The following PHTF2 variants were observed in gnomAD, a reference collection of about 807,000 sequenced individuals.
PHTF2 encodes putative homeodomain transcription factor 2.
A neutral mutation model predicts 101.2 loss-of-function variants in PHTF2; 60 were observed. The observed-to-expected ratio is 0.59, with a 90% CI of 0.48 to 0.73. PHTF2 has a LOEUF of 0.73. Ranked by LOEUF, PHTF2 falls within the 30% of genes least tolerant of loss-of-function variation. The probability of loss-of-function intolerance (pLI) is 0.00; values close to 1 mark genes in which losing one functional copy is unlikely to be tolerated. For synonymous variants in PHTF2, 311 were observed against 307.3 expected (o/e 1.01, Z -0.13); for missense variants, 747 against 908.7 (o/e 0.82, Z 2.29).
At chr7:77,949,237 C>CT (rs150806171) in intron 16 of PHTF2, among the ~76,000 whole-genome samples, 43 of 150,518 alleles carry the variant, frequency 2.9e-4, no homozygotes, top group East Asian at 1.7e-3. Context: ...AAACTTTTTC[C>CT]TTTTTTTTTC....
intron 2 of PHTF2, among the ~76,000 whole-genome samples, chr7:77,851,050 G>A (rs1402804713): frequency 6.6e-6 from 1 of 152,110 alleles, no homozygotes; most frequent in Non-Finnish European, 1.5e-5. Flanking sequence ...CTTTATCAGG[G>A]ATACTGGCCC....
intron 3 of PHTF2, among the ~76,000 whole-genome samples, chr7:77,886,125 TA>T (rs1799825459): frequency 6.6e-6 from 1 of 152,188 alleles, no homozygotes; most frequent in Admixed American, 6.5e-5. Flanking sequence ...TCAGTCTAAT[TA>T]AACTATTGAT....
chr7:77,908,669 AT>A (rs1802085925), intron 7 of PHTF2, 123 bp from the exon 7 acceptor site: 2 of 598,442 alleles, frequency 3.3e-6, no homozygotes, highest in Admixed American at 3.3e-5. Flanking sequence ...CTATAGTAAT[AT>A]TTTAAACTCA....
At chr7:77,946,394 C>T (rs916791127) in intron 16 of PHTF2, among the ~76,000 whole-genome samples, 1 of 151,952 alleles carries the variant, frequency 6.6e-6, no homozygotes, top group African/African-American at 2.4e-5. Context: ...TCTGCTTTAC[C>T]ACTTCTAGTC....
At chr7:77,911,196 C>T (rs1466947497) in intron 9 of PHTF2, among the ~76,000 whole-genome samples, 1 of 140,270 alleles carries the variant, frequency 7.1e-6, no homozygotes, top group Non-Finnish European at 1.6e-5. Context: ...TGGCTTTTTG[C>T]ATACAACTAT....
In PHTF2 at chr7:77,948,679, T is replaced by C. The variant is rs80047542; in HGVS notation, c.1960-999T>C. Among the ~76,000 whole-genome samples, 722 of 152,154 alleles carry C rather than the reference T, an allele frequency of 4.7e-3. 21 individuals are homozygous for C. Among genetic ancestry groups the C allele is most frequent in the Admixed American group, 0.037 (569 of 15,274 alleles). On this transcript the variant is annotated intron_variant, in intron 16 of 19. Coordinates refer to ENST00000416283, the Ensembl canonical transcript of PHTF2. The stretch of plus-strand genomic sequence containing the variant: ...GGAAATTCAATTACCAATAAGCATA[T>C]GAAACATACTGATCCTCCCTAAATA...
intron 16 of PHTF2, among the ~76,000 whole-genome samples, chr7:77,948,543 A>G (rs1806278778): frequency 6.6e-6 from 1 of 152,230 alleles, no homozygotes; most frequent in Admixed American, 6.5e-5. Flanking sequence ...AAAATGACTT[A>G]AATAGGATTG....
intron 2 of PHTF2, among the ~76,000 whole-genome samples, chr7:77,844,195 T>C (rs1172874735): frequency 6.6e-6 from 1 of 152,104 alleles, no homozygotes; most frequent in African/African-American, 2.4e-5. Flanking sequence ...GATTTCACCA[T>C]GTTTCCCAGG....
Position 77,905,840 on chromosome 7 carries a change from T to C in PHTF2, c.446-2953T>C, listed in dbSNP as rs560527922. 5.5e-4 allele frequency among the ~76,000 whole-genome samples: 83 copies of C among 152,264 alleles called. 1 individual carries two copies. Among genetic ancestry groups the C allele is most frequent in the African/African-American group, 1.8e-3 (76 of 41,556 alleles). ...TTGCCCAGTACGTGAAGTCCTGCCT[T>C]TGAAATATTTGTGCCCAACAACATT... On this transcript the variant is annotated intron_variant, in intron 7 of 19. Coordinates refer to ENST00000416283, the Ensembl canonical transcript of PHTF2.
intron 1 of PHTF2, among the ~76,000 whole-genome samples, chr7:77,810,274 T>G (rs754724471): frequency 2.6e-5 from 4 of 152,202 alleles, no homozygotes; most frequent in Non-Finnish European, 4.4e-5. Context: ...AATATAAGAT[T>G]ATTCTTCTTC....
Position 77,940,519 on chromosome 7 carries a change from C to T in PHTF2, c.1741-9C>T. On this transcript the variant is annotated splice_polypyrimidine_tract_variant and intron_variant, in intron 14 of 19. Transcript: ENST00000416283. ...CTTGAAAATTAATCCTCATCTTAAT[C>T]TTTTTTAGCGATTACTTTTTGCAAA... 1 of 1,581,866 alleles carries T rather than the reference C, an allele frequency of 6.3e-7. No individual in the cohort carries two copies. Among genetic ancestry groups the T allele is most frequent in the South Asian group, 1.2e-5 (1 of 84,460 alleles).
intron 7 of PHTF2, among the ~76,000 whole-genome samples, chr7:77,902,464 A>G (rs1218097716): frequency 1.3e-5 from 2 of 152,220 alleles, no homozygotes; most frequent in Non-Finnish European, 2.9e-5. Flanking sequence ...GCCCAACGCC[A>G]CATAGTCATC....
chr7:77,956,049 T>A (rs1028266933), exon 20 of PHTF2: 1 of 152,576 alleles, frequency 6.6e-6, no homozygotes, highest in African/African-American at 2.4e-5. Flanking sequence ...GTTAGGTAAA[T>A]CGGGCAAATA....
At chr7:77,951,395 A>C (rs1206497025) in intron 17 of PHTF2, among the ~76,000 whole-genome samples, 1 of 152,094 alleles carries the variant, frequency 6.6e-6, no homozygotes, top group East Asian at 1.9e-4. Flanking sequence ...AATGCCATCC[A>C]GTCTTTTTTA....
chr7:77,923,677 T>C, intron 11 of PHTF2: 1 of 985,420 alleles, frequency 1.0e-6, no homozygotes, highest in Non-Finnish European at 1.2e-6. Context: ...GTAGTGTTTC[T>C]TGTTCCTAAG....
chr7:77,822,453 G>T (rs954860588), intron 1 of PHTF2, among the ~76,000 whole-genome samples: 1 of 152,164 alleles, frequency 6.6e-6, no homozygotes, highest in African/African-American at 2.4e-5. Context: ...GTGGTTGGGT[G>T]GGGGAGGGGA....
chr7:77,948,629 G>A (rs756425650), intron 16 of PHTF2, among the ~76,000 whole-genome samples: 2 of 151,930 alleles, frequency 1.3e-5, no homozygotes, highest in Non-Finnish European at 2.9e-5. Flanking sequence ...AGTGGATGTA[G>A]AATATAAAAA....
In PHTF2 at chr7:77,845,849, A is replaced by G. The variant is rs192948754; in HGVS notation, c.45+5549A>G. 1.2e-4 allele frequency among the ~76,000 whole-genome samples: 18 copies of G among 152,276 alleles called. No individual in the cohort carries two copies. In the East Asian group the frequency reaches 1.9e-3, roughly 16 times the overall value. ...AGGTAAGACAAATCTAACTCAAACTATCTTAAAGGGGAAATTTATTGGCTT... is the reference window on the plus strand; with the variant it reads ...AGGTAAGACAAATCTAACTCAAACTGTCTTAAAGGGGAAATTTATTGGCTT... On this transcript the variant is annotated intron_variant, in intron 2 of 19. Transcript: ENST00000416283.
chr7:77,879,787 C>T lies in PHTF2; in HGVS notation c.148-13821C>T, dbSNP rs181725495. ...CTCTTATGTATCTTATAGGAAAAGCCAAATTTATTTTCATAAATTGATTTT... is the reference window on the plus strand; with the variant it reads ...CTCTTATGTATCTTATAGGAAAAGCTAAATTTATTTTCATAAATTGATTTT... On this transcript the variant is annotated intron_variant, in intron 3 of 19. Transcript: ENST00000416283. Among the ~76,000 whole-genome samples the T allele has an allele frequency of 3.4e-4, 51 of 152,206 alleles. 2 individuals are homozygous for T. The East Asian group carries it at 9.1e-3, about 27-fold the overall frequency.
Sources: gnomAD v4.1 joint callset for allele counts (sites outside exome capture counted in the v4.1 genomes callset) on GRCh38, gnomAD v4.1.1 for gene constraint, MANE v1.5 for transcripts, NCBI Gene and HGNC (gene_info 2026-07-23, HGNC 2026-07-21) for gene names.